TAFA5: variants seen among roughly 807,000 people sequenced by gnomAD.
The protein encoded by TAFA5 is chemokine-like protein TAFA-5.
A neutral mutation model predicts 15.3 loss-of-function variants in TAFA5; 6 were observed. That is an observed-to-expected ratio of 0.39 (90% CI 0.21 to 0.77). The LOEUF is 0.77. Ranked by LOEUF, TAFA5 falls within the 30% of genes least tolerant of loss-of-function variation. TAFA5 has a pLI of 0.41. For synonymous variants in TAFA5, 103 were observed against 80.7 expected (o/e 1.28, Z -1.48); for missense variants, 161 against 193.1 (o/e 0.83, Z 0.98).
At position 48,505,548 on chromosome 22, in the gene TAFA5, A is replaced by AG. The variant is rs1200213967; in HGVS notation, c.112+15850dup. ...TGCCATTAAAAGGCCTACTGCCCCAAGGGGGGCTGTGGAGCTGCATGGCCA... is the reference window on the plus strand; with the variant it reads ...TGCCATTAAAAGGCCTACTGCCCCAAGGGGGGGCTGTGGAGCTGCATGGCCA... On this transcript the variant is annotated intron_variant, in intron 1 of 3. Coordinates refer to ENST00000402357, the MANE Select transcript of TAFA5 (RefSeq NM_001082967.3). Among the ~76,000 whole-genome samples the AG allele has an allele frequency of 3.9e-5, 6 of 152,166 alleles. No homozygotes were observed. The East Asian group carries it at 9.6e-4, about 24-fold the overall frequency.
At chr22:48,623,644 G>A (rs1925931133) in intron 1 of TAFA5, among the ~76,000 whole-genome samples, 1 of 152,244 alleles carries the variant, frequency 6.6e-6, no homozygotes. Flanking sequence ...GCAGACAGGT[G>A]TGCAGGAGGA....
chr22:48,542,606 T>G, intron 1 of TAFA5, among the ~76,000 whole-genome samples: 2 of 122,336 alleles, frequency 1.6e-5, no homozygotes, highest in Non-Finnish European at 3.4e-5. Flanking sequence ...TGTATGTGTG[T>G]GTGGTGTGTG....
chr22:48,690,457 T>C (rs1455969231), intron 2 of TAFA5, among the ~76,000 whole-genome samples: 1 of 152,140 alleles, frequency 6.6e-6, no homozygotes, highest in Non-Finnish European at 1.5e-5. Context: ...CCTACTGGCC[T>C]CTCCAGCCCC....
chr22:48,534,734 G>C (rs1023008824), intron 1 of TAFA5, among the ~76,000 whole-genome samples: 2 of 152,198 alleles, frequency 1.3e-5, no homozygotes, highest in Non-Finnish European at 2.9e-5. Context: ...ACGGGGGGAG[G>C]GGGAGGCCCG....
chr22:48,749,396 G>A (rs1327214786), intron 3 of TAFA5, among the ~76,000 whole-genome samples: 1 of 152,204 alleles, frequency 6.6e-6, no homozygotes, highest in Admixed American at 6.5e-5. Context: ...GGTGCGGCCA[G>A]GTCCCCCAGC....
chr22:48,509,378 C>T (rs559713944), intron 1 of TAFA5, among the ~76,000 whole-genome samples: 2 of 152,292 alleles, frequency 1.3e-5, no homozygotes, highest in Admixed American at 1.3e-4. Context: ...TTTTTTGAGA[C>T]ATCTCCGTAC....
intron 1 of TAFA5, among the ~76,000 whole-genome samples, chr22:48,590,651 C>T (rs537611878): frequency 3.9e-5 from 6 of 152,142 alleles, no homozygotes; most frequent in East Asian, 1.9e-4. Context: ...GAGAGCCCAC[C>T]GGCTGGTGTA....
intron 2 of TAFA5, among the ~76,000 whole-genome samples, chr22:48,656,008 T>TG (rs1482666123): frequency 2.6e-5 from 4 of 151,272 alleles, no homozygotes; most frequent in Non-Finnish European, 4.4e-5. Flanking sequence ...CCGGCTAATT[T>TG]TTTTTTTGTA....
intron 1 of TAFA5, among the ~76,000 whole-genome samples, chr22:48,620,353 A>G (rs1925757823): frequency 6.6e-6 from 1 of 151,916 alleles, no homozygotes. Flanking sequence ...TTTCCTTCCC[A>G]TATTTGTGTA....
chr22:48,601,800 A>G (rs1255008785), intron 1 of TAFA5, among the ~76,000 whole-genome samples: 1 of 152,164 alleles, frequency 6.6e-6, no homozygotes, highest in Non-Finnish European at 1.5e-5. Flanking sequence ...CATCTGTGAG[A>G]GTGCGCCCTA....
At chr22:48,541,766 CA>C (rs967040311) in intron 1 of TAFA5, among the ~76,000 whole-genome samples, 6 of 152,296 alleles carry the variant, frequency 3.9e-5, no homozygotes, top group Admixed American at 3.9e-4. Flanking sequence ...GCCTTGACCT[CA>C]GGGGTGGCAA....
At chr22:48,575,941 AGGCGGC>A (rs963346633) in intron 1 of TAFA5, among the ~76,000 whole-genome samples, 5 of 130,758 alleles carry the variant, frequency 3.8e-5, no homozygotes, top group Non-Finnish European at 8.1e-5. Context: ...GCGGCGGAGG[AGGCGGC>A]GGCGGCGGAG....
chr22:48,693,511 A>G (rs1928606855), intron 2 of TAFA5: 2 of 1,519,326 alleles, frequency 1.3e-6, no homozygotes, highest in Admixed American at 2.0e-5. Context: ...CCCAGAGGAG[A>G]CCAGCAGGTG....
At chr22:48,537,765 C>T (rs908134922) in intron 1 of TAFA5, among the ~76,000 whole-genome samples, 3 of 152,246 alleles carry the variant, frequency 2.0e-5, no homozygotes, top group Non-Finnish European at 4.4e-5. Context: ...GCCTAGAAGG[C>T]CCCACGGTGT....
At chr22:48,685,709 G>A (rs963362485) in intron 2 of TAFA5, among the ~76,000 whole-genome samples, 1 of 151,888 alleles carries the variant, frequency 6.6e-6, no homozygotes, top group South Asian at 2.1e-4. Flanking sequence ...GCCTATGGGG[G>A]TGTCTGTTCA....
At chr22:48,688,922 G>T (rs1195941275) in intron 2 of TAFA5, among the ~76,000 whole-genome samples, 1 of 151,374 alleles carries the variant, frequency 6.6e-6, no homozygotes, top group Non-Finnish European at 1.5e-5. Flanking sequence ...AACCTGGGAG[G>T]TGGAGGTTGC....
chr22:48,641,668 C>T (rs1447332242), intron 1 of TAFA5, among the ~76,000 whole-genome samples: 5 of 151,440 alleles, frequency 3.3e-5, no homozygotes, highest in East Asian at 2.0e-4. Flanking sequence ...GATGCCGTCC[C>T]CTCGCACACG....
chr22:48,675,726 C>T (rs118107086), intron 2 of TAFA5, among the ~76,000 whole-genome samples: 4,948 of 152,364 alleles, frequency 0.032, 110 homozygotes, highest in Non-Finnish European at 0.046. Context: ...TCACAGCTGC[C>T]GGGGAGCCCC....
At chr22:48,606,853 T>C (rs28614094) in intron 1 of TAFA5, among the ~76,000 whole-genome samples, 19,404 of 152,212 alleles carry the variant, frequency 0.13, 1,330 homozygotes, top group African/African-American at 0.17. Context: ...GCTGGGGTTC[T>C]GAGCCAGGCC....
Sources: gnomAD v4.1 joint callset for allele counts (sites outside exome capture counted in the v4.1 genomes callset) on GRCh38, gnomAD v4.1.1 for gene constraint, MANE v1.5 for transcripts, NCBI Gene and HGNC (gene_info 2026-07-23, HGNC 2026-07-21) for gene names.